Variants in OPHN1 observed in about 807,000 individuals in gnomAD.
OPHN1 encodes the protein oligophrenin 1, also known as oligophrenin-1.
OPHN1 carries 11 observed loss-of-function variants against 60.7 expected under a neutral mutation model. The observed-to-expected ratio is 0.18, with a 90% CI of 0.11 to 0.30. The LOEUF (loss-of-function observed/expected upper bound fraction) is 0.30. Ranked by LOEUF, OPHN1 falls within the 10% of genes least tolerant of loss-of-function variation. The pLI is 1.00. For synonymous variants in OPHN1, 226 were observed against 222.6 expected (o/e 1.02, Z -0.14); for missense variants, 449 against 611.0 (o/e 0.73, Z 2.80).
rs751049324 is a variant in OPHN1 at position 68,424,838 on chromosome X, C to T, written c.154+8029G>A. On this transcript the variant is annotated intron_variant, in intron 2 of 24. Coordinates refer to ENST00000355520, the MANE Select transcript of OPHN1 (RefSeq NM_002547.3). Reference sequence around the variant, plus strand: ...TCAATCCTAGTTCCCACAGCAGCCACAGTCCAGCTACTCTGGAATCTGGTC... The same window carrying T: ...TCAATCCTAGTTCCCACAGCAGCCATAGTCCAGCTACTCTGGAATCTGGTC... Among the ~76,000 whole-genome samples, 20 of 112,052 alleles carry T rather than the reference C, an allele frequency of 1.8e-4. 1 individual carries two copies. The Admixed American group carries it at 1.9e-3, about 11-fold the overall frequency.
At chrX:68,330,115 T>C in intron 2 of OPHN1, among the ~76,000 whole-genome samples, 1 of 110,084 alleles carries the variant, frequency 9.1e-6, no homozygotes, top group Non-Finnish European at 1.9e-5. Flanking sequence ...TCTTCCTTTT[T>C]TTGAGACAGA....
At chrX:68,193,989 C>T in intron 13 of OPHN1, 37 bp from the exon 14 acceptor site, 1 of 1,083,701 alleles carries the variant, frequency 9.2e-7, no homozygotes, top group Non-Finnish European at 1.3e-6. Flanking sequence ...GATCCTGCTG[C>T]AACAGGTGTC....
intron 10 of OPHN1, 122 bp downstream of exon 10, chrX:68,206,451 T>C: frequency 1.8e-6 from 1 of 564,695 alleles, no homozygotes; most frequent in South Asian, 2.5e-5. Flanking sequence ...GGTGTACATA[T>C]AAAGTCATGG....
Position 68,399,150 on chromosome X carries a change from G to A in OPHN1, c.154+33717C>T, listed in dbSNP as rs190415756. Among the ~76,000 whole-genome samples, 162 of 110,350 alleles carry A rather than the reference G, an allele frequency of 1.5e-3. 1 individual carries two copies. The highest frequency in any genetic ancestry group is 4.9e-3 in the African/African-American group (149 of 30,378). ...CCATATCCAATTTATCACCAAGTCC[G>A]ATTTATGTAAACTCCTAAATATCCC... On this transcript the variant is annotated intron_variant, in intron 2 of 24. Coordinates refer to ENST00000355520, the MANE Select transcript of OPHN1 (RefSeq NM_002547.3).
chrX:68,090,945 T>C (rs1194644021), intron 19 of OPHN1, among the ~76,000 whole-genome samples: 2 of 111,463 alleles, frequency 1.8e-5, no homozygotes, highest in Non-Finnish European at 3.8e-5. Context: ...AGATCCTTCC[T>C]GTATGATTAA....
Position 68,433,031 on chromosome X carries a change from GC to G in OPHN1, c.-4-8del, listed in dbSNP as rs1266819277. The G allele has an allele frequency of 8.4e-7, 1 of 1,193,009 alleles. No individual in the cohort carries two copies. The highest frequency in any genetic ancestry group is 1.1e-6 in the Non-Finnish European group (1 of 885,696). On this transcript the variant is annotated splice_region_variant and splice_polypyrimidine_tract_variant and intron_variant, in intron 1 of 24. Coordinates refer to ENST00000355520, the MANE Select transcript of OPHN1 (RefSeq NM_002547.3). ...CGGGGGATGACCCATGGTTCTGATG[GC>G]CGGGAGTAGGGGGAAAGGGGAAAGA...
intron 16 of OPHN1, among the ~76,000 whole-genome samples, chrX:68,113,992 A>T (rs2147434111): frequency 9.1e-6 from 1 of 109,639 alleles, no homozygotes; most frequent in South Asian, 4.0e-4. Flanking sequence ...GAAAAAAAAA[A>T]ACATTGGCTG....
At position 68,113,169 on chromosome X, in the gene OPHN1, A is replaced by G. The variant is rs750153462; in HGVS notation, c.1420+12T>C. ...TAGGACAACACAGTTAATTAGTAAC[A>G]TAAATACTTACTGGCAGCAGAGACC... On this transcript the variant is annotated intron_variant, in intron 17 of 24. Transcript: ENST00000355520. The G allele has an allele frequency of 2.5e-6, 3 of 1,183,018 alleles. No homozygotes were observed. The highest frequency in any genetic ancestry group is 5.9e-5 in the East Asian group (2 of 33,737).
chrX:68,123,449 C>T (rs1369810162), intron 15 of OPHN1, among the ~76,000 whole-genome samples: 1 of 111,717 alleles, frequency 9.0e-6, no homozygotes, highest in Non-Finnish European at 1.9e-5. Context: ...AACACCGTAA[C>T]TGTAATGTGT....
intron 2 of OPHN1, among the ~76,000 whole-genome samples, chrX:68,379,163 G>A (rs2078579976): frequency 9.0e-6 from 1 of 110,792 alleles, no homozygotes; most frequent in Admixed American, 9.7e-5. Flanking sequence ...CTTGTAAGTT[G>A]GATTCCTAGG....
chrX:68,216,823 G>A (rs1484215316), intron 6 of OPHN1, among the ~76,000 whole-genome samples: 1 of 111,410 alleles, frequency 9.0e-6, no homozygotes, highest in African/African-American at 3.3e-5. Context: ...GTGGGCAAAC[G>A]ACATGAACAG....
intron 2 of OPHN1, among the ~76,000 whole-genome samples, chrX:68,381,804 CTT>C (rs1272267491): frequency 9.0e-6 from 1 of 111,274 alleles, no homozygotes; most frequent in East Asian, 2.8e-4. Context: ...CTCTCTCTCT[CTT>C]CTCTCCTCTT....
chrX:68,240,184 C>T, intron 5 of OPHN1, among the ~76,000 whole-genome samples: 1 of 112,450 alleles, frequency 8.9e-6, no homozygotes, highest in East Asian at 2.8e-4. Context: ...GGGTATCTTT[C>T]TCTTGTTCTC....
intron 15 of OPHN1, among the ~76,000 whole-genome samples, chrX:68,190,749 A>C (rs1363631247): frequency 8.9e-6 from 1 of 112,360 alleles, no homozygotes; most frequent in African/African-American, 3.2e-5. Flanking sequence ...TTCAATAGTT[A>C]TCTGAATAAA....
chrX:68,381,829 T>TTC (rs956196501), intron 2 of OPHN1, among the ~76,000 whole-genome samples: 10 of 109,966 alleles, frequency 9.1e-5, no homozygotes, highest in Non-Finnish European at 1.5e-4. Context: ...CTTTCTTTCT[T>TTC]TCTCTCTCTC....
chrX:68,202,570 G>A (rs764237932), intron 10 of OPHN1, among the ~76,000 whole-genome samples: 52 of 110,048 alleles, frequency 4.7e-4, no homozygotes, highest in Non-Finnish European at 8.2e-4. Flanking sequence ...TGCGATATCA[G>A]CTCACTGCAA....
At chrX:68,196,746 A>G (rs2077514379) in intron 12 of OPHN1, among the ~76,000 whole-genome samples, 1 of 112,182 alleles carries the variant, frequency 8.9e-6, no homozygotes, top group Admixed American at 9.5e-5. Flanking sequence ...TTGGTGGTAT[A>G]AGGGTGAGGC....
chrX:68,189,273 TG>T (rs1315328467), intron 15 of OPHN1, among the ~76,000 whole-genome samples: 3 of 111,786 alleles, frequency 2.7e-5, no homozygotes, highest in Non-Finnish European at 5.6e-5. Context: ...ATAACGACAA[TG>T]GGGGGCATTT....
intron 2 of OPHN1, among the ~76,000 whole-genome samples, chrX:68,331,598 G>C (rs918224233): frequency 2.8e-4 from 31 of 108,809 alleles, no homozygotes; most frequent in Non-Finnish European, 5.7e-4. Flanking sequence ...GGGTATGGTG[G>C]CAGGCACCTG....
Sources: gnomAD v4.1 joint callset for allele counts (sites outside exome capture counted in the v4.1 genomes callset) on GRCh38, gnomAD v4.1.1 for gene constraint, MANE v1.5 for transcripts, NCBI Gene and HGNC (gene_info 2026-07-23, HGNC 2026-07-21) for gene names.